Variants in GLT1D1 observed in about 807,000 individuals in gnomAD.
GLT1D1 encodes the protein glycosyltransferase 1 domain-containing protein 1.
GLT1D1 carries 21 observed loss-of-function variants against 28.7 expected under a neutral mutation model. The observed-to-expected ratio is 0.73, with a 90% CI of 0.52 to 1.05. GLT1D1 has a LOEUF of 1.05. Among genes scored for constraint, GLT1D1 ranks in the 50% least tolerant of loss-of-function variants. The pLI, the probability that GLT1D1 is intolerant of heterozygous loss-of-function variation, is 0.00. For missense variants in GLT1D1, 343 were observed against 330.6 expected (o/e 1.04, Z -0.29); for synonymous variants, 147 against 124.8 (o/e 1.18, Z -1.19).
At chr12:128,954,677 C>T (rs975027292) in intron 6 of GLT1D1, among the ~76,000 whole-genome samples, 7 of 152,182 alleles carry the variant, frequency 4.6e-5, no homozygotes, top group South Asian at 2.1e-4. Flanking sequence ...TGGACAAGCA[C>T]GGTAGCTCAC....
chr12:128,935,388 A>G (rs1469051362), intron 4 of GLT1D1, among the ~76,000 whole-genome samples: 1 of 152,022 alleles, frequency 6.6e-6, no homozygotes, highest in East Asian at 1.9e-4. Context: ...CTAAAATCAC[A>G]AAATTCACTG....
At chr12:128,867,397 CAAA>C (rs1158997935) in intron 1 of GLT1D1, among the ~76,000 whole-genome samples, 1 of 59,302 alleles carries the variant, frequency 1.7e-5, no homozygotes, top group Non-Finnish European at 3.2e-5. Context: ...AACTCCTTCT[CAAA>C]AAAAAAAAAA....
intron 7 of GLT1D1, among the ~76,000 whole-genome samples, chr12:128,959,827 G>A (rs1398945281): frequency 6.6e-6 from 1 of 151,472 alleles, no homozygotes; most frequent in East Asian, 1.9e-4. Context: ...AAGTGTTCTG[G>A]GATTTTTTTT....
intron 4 of GLT1D1, among the ~76,000 whole-genome samples, chr12:128,907,394 C>T (rs1353648693): frequency 6.6e-6 from 1 of 151,418 alleles, no homozygotes; most frequent in Non-Finnish European, 1.5e-5. Flanking sequence ...CAAGCTCTGC[C>T]TCCCGGGTTC....
At chr12:128,900,262 G>A (rs1162566481) in intron 4 of GLT1D1, among the ~76,000 whole-genome samples, 1 of 152,256 alleles carries the variant, frequency 6.6e-6, no homozygotes, top group Non-Finnish European at 1.5e-5. Context: ...CAATGTGCAT[G>A]CCCTGATCAT....
At chr12:128,855,284 T>A (rs2702209) in intron 1 of GLT1D1, among the ~76,000 whole-genome samples, 82,649 of 148,940 alleles carry the variant, frequency 0.55, 23,329 homozygotes, top group South Asian at 0.78. Flanking sequence ...TAGGGCAGGC[T>A]TTCATGGCGG....
intron 4 of GLT1D1, among the ~76,000 whole-genome samples, chr12:128,902,151 A>G (rs1397839379): frequency 6.6e-6 from 1 of 151,652 alleles, no homozygotes; most frequent in Non-Finnish European, 1.5e-5. Context: ...AGATCAGTTC[A>G]TAGTACCAGG....
intron 6 of GLT1D1, among the ~76,000 whole-genome samples, chr12:128,951,090 G>A (rs1023961076): frequency 6.6e-6 from 1 of 152,120 alleles, no homozygotes; most frequent in Non-Finnish European, 1.5e-5. Flanking sequence ...GCCATCCCAC[G>A]GGGTAGATGT....
intron 1 of GLT1D1, among the ~76,000 whole-genome samples, chr12:128,862,328 C>CAAAAA (rs34391238): frequency 1.1e-5 from 1 of 88,054 alleles, no homozygotes; most frequent in African/African-American, 5.3e-5. Flanking sequence ...GACTCTGTCT[C>CAAAAA]AAAAAAAAAA....
intron 7 of GLT1D1, among the ~76,000 whole-genome samples, chr12:128,978,378 C>A (rs1184547931): frequency 1.3e-5 from 2 of 152,116 alleles, no homozygotes; most frequent in Admixed American, 1.3e-4. Context: ...CATGGCATGT[C>A]AGGGCGGGCA....
intron 7 of GLT1D1, among the ~76,000 whole-genome samples, chr12:128,973,191 T>G (rs1332621700): frequency 2.4e-5 from 3 of 125,314 alleles, no homozygotes; most frequent in Non-Finnish European, 3.5e-5. Context: ...TTTTTTTTTT[T>G]TTTTTTTTTT....
At chr12:128,952,441 G>GGT (rs1555218588) in intron 6 of GLT1D1, among the ~76,000 whole-genome samples, 19 of 131,122 alleles carry the variant, frequency 1.4e-4, no homozygotes, top group African/African-American at 5.1e-4. Flanking sequence ...GGGTGGGGGG[G>GGT]GGTGGGGCTG....
chr12:128,861,758 G>C (rs569531448), intron 1 of GLT1D1, among the ~76,000 whole-genome samples: 1 of 151,938 alleles, frequency 6.6e-6, no homozygotes, highest in Non-Finnish European at 1.5e-5. Flanking sequence ...GAAAGCGAAG[G>C]AAGAAATGCA....
intron 1 of GLT1D1, among the ~76,000 whole-genome samples, chr12:128,875,128 T>G (rs1956841931): frequency 6.6e-6 from 1 of 151,860 alleles, no homozygotes; most frequent in Non-Finnish European, 1.5e-5. Context: ...GTATTTTTTT[T>G]GAAGCTATGA....
chr12:128,857,130 C>T (rs908975596), intron 1 of GLT1D1, among the ~76,000 whole-genome samples: 6 of 152,188 alleles, frequency 3.9e-5, no homozygotes, highest in Non-Finnish European at 8.8e-5. Flanking sequence ...CACATCCACC[C>T]ACAAGGTCAC....
At chr12:128,944,877 C>G in intron 4 of GLT1D1, 1 of 371,438 alleles carries the variant, frequency 2.7e-6, no homozygotes, top group Non-Finnish European at 4.9e-6. Context: ...ATACATGTGC[C>G]ATGGTGGTTT....
chr12:128,901,877 T>C (rs1001520755), intron 4 of GLT1D1, among the ~76,000 whole-genome samples: 2 of 151,516 alleles, frequency 1.3e-5, no homozygotes, highest in Non-Finnish European at 2.9e-5. Flanking sequence ...CCTCCCAAAG[T>C]GCTGGGATGA....
At chr12:128,979,361 T>A (rs1880100675) in intron 7 of GLT1D1, among the ~76,000 whole-genome samples, 1 of 151,758 alleles carries the variant, frequency 6.6e-6, no homozygotes, top group Non-Finnish European at 1.5e-5. Flanking sequence ...TCTCGGTGGC[T>A]GGGCCACATT....
intron 4 of GLT1D1, among the ~76,000 whole-genome samples, chr12:128,909,766 G>A (rs1368680171): frequency 6.6e-6 from 1 of 152,214 alleles, no homozygotes; most frequent in Non-Finnish European, 1.5e-5. Context: ...TCTATTTATA[G>A]GTATCTATCC....
Sources: gnomAD v4.1 joint callset for allele counts (sites outside exome capture counted in the v4.1 genomes callset) on GRCh38, gnomAD v4.1.1 for gene constraint, MANE v1.5 for transcripts, NCBI Gene and HGNC (gene_info 2026-07-23, HGNC 2026-07-21) for gene names.